SERPINB7: variants seen among roughly 807,000 people sequenced by gnomAD.
SERPINB7 encodes serpin B7.
In SERPINB7, 31 loss-of-function variants were observed where a neutral mutation model predicts 37.4. That is an observed-to-expected ratio of 0.83 (90% CI 0.62 to 1.12). The LOEUF is 1.12. Among genes scored for constraint, SERPINB7 ranks in the 50% most tolerant of loss-of-function variants. The pLI is 0.00. For synonymous variants in SERPINB7, 163 were observed against 166.1 expected (o/e 0.98, Z 0.14); for missense variants, 521 against 455.3 (o/e 1.14, Z -1.31).
intron 1 of SERPINB7, among the ~76,000 whole-genome samples, chr18:63,757,732 C>T (rs2049129852): frequency 6.6e-6 from 1 of 152,236 alleles, no homozygotes; most frequent in African/African-American, 2.4e-5. Context: ...CCAATCTCTG[C>T]TCTTGGGAGT....
chr18:63,757,125 C>A (rs998510962), intron 1 of SERPINB7, among the ~76,000 whole-genome samples: 2 of 151,464 alleles, frequency 1.3e-5, no homozygotes, highest in African/African-American at 4.9e-5. Context: ...GGATATGAGA[C>A]CTTTGTAAGA....
rs911845425 is a variant in SERPINB7 at position 63,804,904 on chromosome 18, C to G, written c.*269C>G. 3 of 421,632 alleles carry G rather than the reference C, an allele frequency of 7.1e-6. No homozygotes were observed. Among genetic ancestry groups the G allele is most frequent in the Non-Finnish European group, 8.4e-6 (2 of 238,206 alleles). The allele number at this position is 421,632 out of a possible 1,614,324, so 26.1% of individuals were successfully genotyped here. A position where few individuals can be genotyped will look rare whatever the true frequency, so the allele number is the denominator to read the frequency against. The stretch of plus-strand genomic sequence containing the variant: ...CACGCTCATTTCTATCATTCTCCCC[C>G]ATGACCCGTCTGGAAATTATGGAGA... On this transcript the variant is annotated 3_prime_UTR_variant, in exon 8 of 8. Transcript: ENST00000398019.
At chr18:63,788,404 GAA>G (rs911460377) in intron 2 of SERPINB7, among the ~76,000 whole-genome samples, 2 of 152,036 alleles carry the variant, frequency 1.3e-5, no homozygotes, top group African/African-American at 4.8e-5. Context: ...AGAATATAAA[GAA>G]AAAATATAAT....
chr18:63,784,931 G>A (rs1015401462), intron 2 of SERPINB7, among the ~76,000 whole-genome samples: 3 of 152,126 alleles, frequency 2.0e-5, no homozygotes, highest in East Asian at 3.8e-4. Context: ...AAGTCTCCTT[G>A]CCCTGCACCT....
intron 6 of SERPINB7, among the ~76,000 whole-genome samples, chr18:63,800,459 A>C (rs570106213): frequency 6.6e-6 from 1 of 152,278 alleles, no homozygotes; most frequent in Non-Finnish European, 1.5e-5. Flanking sequence ...TTATTTAGTA[A>C]ATTTTCATTA....
At chr18:63,769,849 C>G (rs2049200309) in intron 1 of SERPINB7, among the ~76,000 whole-genome samples, 1 of 151,828 alleles carries the variant, frequency 6.6e-6, no homozygotes, top group East Asian at 1.9e-4. Context: ...CCATCTCTCA[C>G]TTCTTTATGA....
rs142079904 is a variant in SERPINB7, at chr18:63,801,007, T to C, written c.739T>C (p.Ser247Pro). ...MYVLLPENDL[S>P]EIENKLTFQN... ...CGTTCTGCTGCCTGAGAATGACCTC[T>C]CTGAAGTAAGTTACGACTGTCATTT... is the stretch of plus-strand genomic sequence containing the variant. Residue 247 changes from serine (S) to proline (P), a missense_variant, in exon 7 of 8, where the codon TCT (serine) becomes CCT (proline). Ser to Pro is a moderately conservative substitution (Grantham distance 74). Coordinates refer to ENST00000398019, the MANE Select transcript of SERPINB7 (RefSeq NM_003784.4). 66 of 1,612,896 alleles carry C rather than the reference T, an allele frequency of 4.1e-5. No individual in the cohort carries two copies. Among genetic ancestry groups the C allele is most frequent in the Non-Finnish European group, 5.0e-5 (59 of 1,179,610 alleles).
intron 1 of SERPINB7, among the ~76,000 whole-genome samples, chr18:63,760,102 A>G (rs2049144586): frequency 6.6e-6 from 1 of 152,200 alleles, no homozygotes; most frequent in African/African-American, 2.4e-5. Flanking sequence ...GAAAGTTTGG[A>G]ACTTCCTAGA....
chr18:63,794,110 A>ATT (rs34450022), intron 4 of SERPINB7, among the ~76,000 whole-genome samples: 3,937 of 105,528 alleles, frequency 0.037, 148 homozygotes, highest in South Asian at 0.077. Flanking sequence ...CATCCTGCTA[A>ATT]TTTTTTTTTT....
intron 4 of SERPINB7, among the ~76,000 whole-genome samples, chr18:63,795,661 A>C (rs1242753731): frequency 6.6e-6 from 1 of 152,146 alleles, no homozygotes; most frequent in Non-Finnish European, 1.5e-5. Flanking sequence ...CATACTTGGA[A>C]CTAGAAAATG....
intron 3 of SERPINB7, 110 bp from the exon 4 acceptor site, chr18:63,793,051 T>A (rs1418257868): frequency 8.0e-6 from 4 of 502,798 alleles, no homozygotes; most frequent in East Asian, 3.3e-5. Flanking sequence ...TTATAGTATT[T>A]AAAAAAATTC....
At chr18:63,759,418 G>A (rs1406462326) in intron 1 of SERPINB7, among the ~76,000 whole-genome samples, 1 of 152,156 alleles carries the variant, frequency 6.6e-6, no homozygotes, top group Non-Finnish European at 1.5e-5. Context: ...GAGCACACAG[G>A]CCTCTCTGGG....
At position 63,755,737 on chromosome 18, in the gene SERPINB7, T is replaced by A. The variant is rs1019184895; in HGVS notation, c.-19+2617T>A. Among the ~76,000 whole-genome samples the A allele has an allele frequency of 2.6e-5, 4 of 151,284 alleles. 1 individual carries two copies. Among genetic ancestry groups the A allele is most frequent in the East Asian group, 1.9e-4 (1 of 5,134 alleles). ...GCAAGACCCTGTCTCTACAAAAAAT[T>A]AAAAAAAATAGCTAGATATGGTGGT... is the stretch of plus-strand genomic sequence containing the variant. On this transcript the variant is annotated intron_variant, in intron 1 of 7. Coordinates refer to the SERPINB7 transcript ENST00000336429.
chr18:63,783,207 AGAGAGAGAGAGAGAGAGAGAGAGAG>A (rs2049322704), intron 2 of SERPINB7, among the ~76,000 whole-genome samples: 3 of 87,640 alleles, frequency 3.4e-5, no homozygotes, highest in African/African-American at 1.4e-4. Flanking sequence ...AGAGAGAGAG[AGAGAGAGAGAGAGAGAGAGAGAGAG>A]AGAAAGAAAG....
intron 1 of SERPINB7, among the ~76,000 whole-genome samples, chr18:63,767,794 G>A (rs529467285): frequency 1.3e-5 from 2 of 151,908 alleles, no homozygotes; most frequent in Non-Finnish European, 2.9e-5. Context: ...AGACCATCTG[G>A]GACTTGAGAT....
intron 5 of SERPINB7, among the ~76,000 whole-genome samples, chr18:63,797,132 A>T (rs1701649): frequency 0.12 from 18,714 of 152,218 alleles, 1,911 homozygotes; most frequent in East Asian, 0.42. Flanking sequence ...TGCTTTGTTC[A>T]TCAACCAATT....
In SERPINB7 at chr18:63,782,504, G is replaced by A. The variant is rs994159784; in HGVS notation, c.132G>A (p.Leu44=). 4 of 1,613,480 alleles carry A rather than the reference G, an allele frequency of 2.5e-6. No homozygotes were observed. The highest frequency in any genetic ancestry group is 2.2e-5 in the East Asian group (1 of 44,856). ...TCGCTGCCCTGGCCCTGGTCCGCTT[G>A]GGCGCTCAAGATGACTCCCTCTCTC... ...SLFAALALVR[L]GAQDDSLSQI... is the part of the protein sequence containing the mutation. The change falls in exon 2 of 8, where the codon TTG becomes TTA. Residue 44 remains leucine (L), a synonymous_variant. Transcript: ENST00000398019.
At chr18:63,793,460 A>G (rs1306201819) in intron 4 of SERPINB7, among the ~76,000 whole-genome samples, 183 bp downstream of exon 4, 1 of 152,136 alleles carries the variant, frequency 6.6e-6, no homozygotes, top group Non-Finnish European at 1.5e-5. Context: ...TACCCAATTA[A>G]TCCACATATT....
At chr18:63,773,131 C>T (rs563680030), upstream of SERPINB7, among the ~76,000 whole-genome samples, 15 of 152,214 alleles carry the variant, frequency 9.9e-5, no homozygotes, top group South Asian at 3.1e-3. Flanking sequence ...ATAGACCTAA[C>T]ATGCAATCAC....
Sources: gnomAD v4.1 joint callset for allele counts (sites outside exome capture counted in the v4.1 genomes callset) on GRCh38, gnomAD v4.1.1 for gene constraint, MANE v1.5 for transcripts, NCBI Gene and HGNC (gene_info 2026-07-23, HGNC 2026-07-21) for gene names.